The following TRPM5 variants were observed in gnomAD, a reference collection of about 807,000 sequenced individuals.
TRPM5 encodes the protein MLSN1 and TRP-related.
In TRPM5, 121 loss-of-function variants were observed where a neutral mutation model predicts 124.9. The ratio of observed to expected loss-of-function variants is 0.97; its 90% CI spans 0.84 to 1.13. The LOEUF (loss-of-function observed/expected upper bound fraction) is 1.13. Among genes scored for constraint, TRPM5 ranks in the 50% most tolerant of loss-of-function variants. The pLI is 0.00. For missense variants in TRPM5, 1,643 were observed against 1,589.1 expected (o/e 1.03, Z -0.58); for synonymous variants, 781 against 700.5 (o/e 1.11, Z -1.81).
exon 15 of TRPM5, chr11:2,413,000 C>T (rs1284009237): frequency 3.1e-6 from 5 of 1,604,870 alleles, no homozygotes; most frequent in Non-Finnish European, 4.2e-6. Flanking sequence ...GCGCCTCCAC[C>T]AGCTCCTCCA....
Position 2,407,942 on chromosome 11 carries a change from A to G in TRPM5, c.2783-30T>C, listed in dbSNP as rs200849761. 7.4e-5 allele frequency: 119 copies of G among 1,607,120 alleles called. No individual in the cohort carries two copies. The African/African-American group carries it at 1.3e-3, about 18-fold the overall frequency. ...AAAGCAAGGGTGCTGTGGGGACCAG[A>G]CCGGGGGCAGCCACAAGGGCGGCCT... On this transcript the variant is annotated intron_variant, in intron 18 of 23. Coordinates refer to ENST00000155858, the Ensembl canonical transcript of TRPM5.
chr11:2,405,838 G>A (rs1385101448), intron 22 of TRPM5, among the ~76,000 whole-genome samples, 181 bp downstream of exon 27: 1 of 152,166 alleles, frequency 6.6e-6, no homozygotes, highest in Non-Finnish European at 1.5e-5. Flanking sequence ...AGGGTGGGAG[G>A]AGGCACAGGT....
upstream of TRPM5, among the ~76,000 whole-genome samples, chr11:2,425,557 C>T (rs1845833725): frequency 6.6e-6 from 1 of 151,544 alleles, no homozygotes; most frequent in South Asian, 2.1e-4. Flanking sequence ...TTAGTGTCGC[C>T]CCATCTGGGA....
chr11:2,420,248 A>T (rs1845751558), exon 4 of TRPM5: 2 of 1,608,334 alleles, frequency 1.2e-6, no homozygotes, highest in South Asian at 1.1e-5. Context: ...CTGCTCCGAG[A>T]TGTGCTTCTC....
At chr11:2,407,271 G>A (rs1347549487) in exon 20 of TRPM5, 1 of 1,611,830 alleles carries the variant, frequency 6.2e-7, no homozygotes, top group Non-Finnish European at 8.5e-7. Flanking sequence ...GAACATGTCT[G>A]CGTTGCCCTG....
intron 2 of TRPM5, 112 bp downstream of exon 7, chr11:2,422,029 G>A: frequency 2.6e-6 from 3 of 1,154,580 alleles, no homozygotes; most frequent in Non-Finnish European, 3.5e-6. Context: ...CAGTCAGGGG[G>A]TCTGGCTGCC....
At chr11:2,405,113 T>G (rs1850288157) in intron 23 of TRPM5, 70 bp from the exon 29 acceptor site, 1 of 1,374,240 alleles carries the variant, frequency 7.3e-7, no homozygotes, top group African/African-American at 1.4e-5. Flanking sequence ...GAGAGGTAGC[T>G]GGCTCAGAGG....
intron 18 of TRPM5, among the ~76,000 whole-genome samples, chr11:2,408,557 G>A (rs1047587438): frequency 1.3e-5 from 2 of 152,228 alleles, no homozygotes; most frequent in Non-Finnish European, 2.9e-5. Context: ...CACTCTGGGA[G>A]CTTGCAGGCT....
At chr11:2,413,920 C>G in intron 12 of TRPM5, 141 bp downstream of exon 17, 1 of 1,237,284 alleles carries the variant, frequency 8.1e-7, no homozygotes. Flanking sequence ...CTTCCAGGAA[C>G]AGAAGCCCCA....
At chr11:2,429,798 G>A in the TRPM5 span, among the ~76,000 whole-genome samples, 1 of 152,024 alleles carries the variant, frequency 6.6e-6, no homozygotes, top group Non-Finnish European at 1.5e-5. The surrounding 1 kb of genome is among the most constrained non-coding windows in gnomAD (Gnocchi z 8.4). Flanking sequence ...CTTCCAAGTT[G>A]TAATCACCAT....
At chr11:2,433,245 G>A in the TRPM5 span, among the ~76,000 whole-genome samples, 3 of 152,238 alleles carry the variant, frequency 2.0e-5, no homozygotes, top group Admixed American at 6.5e-5. Flanking sequence ...CAAGGCCCAC[G>A]CCCTCTCCCC....
chr11:2,443,827 C>CT, the TRPM5 span, among the ~76,000 whole-genome samples: 138 of 147,086 alleles, frequency 9.4e-4, no homozygotes, highest in African/African-American at 3.4e-3. This position sits in a 1 kb window ranked among gnomAD's most constrained non-coding sequence, Gnocchi z 5.0. Context: ...CCCCCCACCC[C>CT]CCCCCCAAGC....
At chr11:2,421,710 G>T (rs1460543923) in intron 2 of TRPM5, among the ~76,000 whole-genome samples, 1 of 152,220 alleles carries the variant, frequency 6.6e-6, no homozygotes, top group African/African-American at 2.4e-5. Flanking sequence ...TCTGGCCCCT[G>T]CAGCTGGCGG....
At chr11:2,415,597 C>T (rs1174469787) in intron 8 of TRPM5, 126 bp from the exon 14 acceptor site, 2 of 704,026 alleles carry the variant, frequency 2.8e-6, no homozygotes, top group Non-Finnish European at 4.6e-6. Context: ...TCACGCAGAC[C>T]CTCTCGCTCT....
the TRPM5 span, among the ~76,000 whole-genome samples, chr11:2,429,055 G>A: frequency 0.096 from 14,510 of 151,184 alleles, 891 homozygotes; most frequent in South Asian, 0.23. This position sits in a 1 kb window ranked among gnomAD's most constrained non-coding sequence, Gnocchi z 8.4. Context: ...GGTACTGGTG[G>A]TGGTGATGAT....
chr11:2,419,408 G>T (rs1845733740), intron 4 of TRPM5, among the ~76,000 whole-genome samples: 1 of 147,248 alleles, frequency 6.8e-6, no homozygotes, highest in South Asian at 2.1e-4. Flanking sequence ...AGGAGTTCAA[G>T]ACCAGCCTGG....
rs772943761 is a variant in TRPM5, at chr11:2,415,491, C to T, written c.1129-20G>A. ...ACAGGACTTGGCGGCCATGGGCACC[C>T]GAGGGAAGGGGGACAAGAGAGTGAG... On this transcript the variant is annotated intron_variant, in intron 8 of 23. Transcript: ENST00000155858. 20 of 1,506,466 alleles carry T rather than the reference C, an allele frequency of 1.3e-5. No homozygotes were observed. The Admixed American group carries it at 1.5e-4, about 11-fold the overall frequency. 93.3% of individuals were successfully genotyped at this position (1,506,466 alleles called of 1,614,324 possible). A position where few individuals can be genotyped will look rare whatever the true frequency, so the allele number is the denominator to read the frequency against.
intron 12 of TRPM5, 84 bp downstream of exon 17, chr11:2,413,977 G>C: frequency 1.3e-6 from 2 of 1,514,920 alleles, no homozygotes; most frequent in East Asian, 2.5e-5. Flanking sequence ...GCAGCTGCAG[G>C]CTGGGAAGTC....
At chr11:2,408,002 G>C in intron 18 of TRPM5, 90 bp from the exon 24 acceptor site, 1 of 1,505,844 alleles carries the variant, frequency 6.6e-7, no homozygotes, top group Non-Finnish European at 9.0e-7. Flanking sequence ...GCTGAGTCCT[G>C]GTGTTGAACC....
Sources: allele counts gnomAD v4.1 joint callset (sites outside exome capture counted in the v4.1 genomes callset), GRCh38; gene constraint gnomAD v4.1.1; non-coding constraint Gnocchi (gnomAD v3.1); transcripts MANE v1.5; gene names NCBI Gene and HGNC (gene_info 2026-07-23, HGNC 2026-07-21).